The following TTC19 variants were observed in gnomAD, a reference collection of about 807,000 sequenced individuals.
TTC19 encodes tetratricopeptide repeat protein 19, mitochondrial.
TTC19 carries 38 observed loss-of-function variants against 49.5 expected under a neutral mutation model. The ratio of observed to expected loss-of-function variants is 0.77; its 90% CI spans 0.59 to 1.01. The LOEUF (loss-of-function observed/expected upper bound fraction) is 1.01. Among genes scored for constraint, TTC19 ranks in the 50% least tolerant of loss-of-function variants. The pLI, the probability that TTC19 is intolerant of heterozygous loss-of-function variation, is 0.00. For synonymous variants in TTC19, 204 were observed against 185.2 expected (o/e 1.10, Z -0.83); for missense variants, 475 against 477.7 (o/e 0.99, Z 0.05).
At chr17:16,001,116 A>G (rs1174137309) in intron 2 of TTC19, among the ~76,000 whole-genome samples, 1 of 152,050 alleles carries the variant, frequency 6.6e-6, no homozygotes, top group African/African-American at 2.4e-5. Flanking sequence ...GCCTCTTGCA[A>G]TCTATTCTCC....
chr17:16,045,001 A>G (rs78302927), exon 3 of TTC19: 2 of 432,450 alleles, frequency 4.6e-6, no homozygotes, highest in Non-Finnish European at 8.5e-6. Context: ...GAACTTAAGA[A>G]AAAAAAAAAA....
In TTC19 at chr17:16,028,666, A is replaced by C; in HGVS notation, c.*1144A>C. The C allele has an allele frequency of 2.2e-6, 1 of 453,866 alleles. No individual in the cohort carries two copies. The highest frequency in any genetic ancestry group is 4.4e-6 in the Non-Finnish European group (1 of 226,730). The allele number at this position is 453,866 out of a possible 1,614,324, so 28.1% of individuals were successfully genotyped here. On this transcript the variant is annotated 3_prime_UTR_variant, in exon 10 of 10. Transcript: ENST00000261647. The stretch of plus-strand genomic sequence containing the variant: ...CAGTTTTTCTAGGTACCATGAAGGA[A>C]GATTGACCCTGTTGGTATGCCTGTG...
intron 7 of TTC19, among the ~76,000 whole-genome samples, chr17:16,011,054 G>C (rs913000140): frequency 6.6e-6 from 1 of 152,194 alleles, no homozygotes; most frequent in Non-Finnish European, 1.5e-5. Flanking sequence ...GTATATGCCA[G>C]ATTCTTCACT....
At chr17:16,036,173 T>G (rs949473334) in intron 2 of TTC19, among the ~76,000 whole-genome samples, 2 of 152,234 alleles carry the variant, frequency 1.3e-5, no homozygotes, top group African/African-American at 4.8e-5. Flanking sequence ...TTAGCAGGCA[T>G]GAAAACAACA....
At chr17:16,033,388 A>G (rs932084498), downstream of TTC19, among the ~76,000 whole-genome samples, 2 of 151,996 alleles carry the variant, frequency 1.3e-5, no homozygotes, top group African/African-American at 4.8e-5. Flanking sequence ...ATTTAATCAA[A>G]TAATAAATCT....
intron 2 of TTC19, 174 bp downstream of exon 2, chr17:16,000,419 C>T (rs1228635886): frequency 1.4e-6 from 2 of 1,461,568 alleles, no homozygotes; most frequent in African/African-American, 2.8e-5. Context: ...TCCATCCAGG[C>T]TTTTCCGACT....
chr17:16,021,537 T>G (rs1189863011), intron 7 of TTC19, among the ~76,000 whole-genome samples: 2 of 152,196 alleles, frequency 1.3e-5, no homozygotes, highest in South Asian at 2.1e-4. Flanking sequence ...CAGGAATATG[T>G]TGGGGCAGTA....
At position 15,999,871 on chromosome 17, in the gene TTC19, G is replaced by C. The variant is rs550775797; in HGVS notation, c.23G>C (p.Ser8Thr). The C allele has an allele frequency of 6.8e-6, 10 of 1,460,792 alleles. No homozygotes were observed. The highest frequency in any genetic ancestry group is 2.9e-5 in the African/African-American group (2 of 67,818). 90.5% of individuals were successfully genotyped at this position (1,460,792 alleles called of 1,614,324 possible). A position where few individuals can be genotyped will look rare whatever the true frequency, so the allele number is the denominator to read the frequency against. The change falls in exon 1 of 10, where the codon AGC (serine) becomes ACC (threonine). Residue 8 changes from serine (S) to threonine (T), a missense_variant. Physicochemically the swap from Ser to Thr is moderately conservative, Grantham distance 58 (BLOSUM62 1). Transcript: ENST00000261647. Reference protein sequence around the residue: MFRLLSWSLGRGFLRAAG... With the variant: MFRLLSWTLGRGFLRAAG... ...AGCATGTTCCGGCTCCTGAGCTGGA[G>C]CCTGGGCCGAGGCTTCCTGCGGGCC... is the stretch of plus-strand genomic sequence containing the variant.
chr17:16,002,366 G>A (rs1055128187), intron 3 of TTC19, among the ~76,000 whole-genome samples: 1 of 151,958 alleles, frequency 6.6e-6, no homozygotes, highest in East Asian at 1.9e-4. Flanking sequence ...TAGTAGAGAC[G>A]AGGTTTCACC....
At chr17:16,001,422 C>G (rs1019153956) in intron 2 of TTC19, among the ~76,000 whole-genome samples, 17 of 152,154 alleles carry the variant, frequency 1.1e-4, no homozygotes, top group Non-Finnish European at 2.4e-4. Flanking sequence ...AGTCATTGTT[C>G]TCCCCAGGTC....
rs77842290 is a variant in TTC19, at chr17:16,025,903, T to C, written c.832-637T>C. On this transcript the variant is annotated intron_variant, in intron 8 of 9. Coordinates refer to ENST00000261647, the MANE Select transcript of TTC19 (RefSeq NM_017775.4). ...CTCCATGAAAGGGATTTATAACTTATTATGAAGAGTCCCTTAATGGAGTGA... is the reference window on the plus strand; with the variant it reads ...CTCCATGAAAGGGATTTATAACTTACTATGAAGAGTCCCTTAATGGAGTGA... Among the ~76,000 whole-genome samples the C allele has an allele frequency of 2.6e-4, 40 of 152,274 alleles. 1 individual carries two copies. The East Asian group carries it at 7.5e-3, about 29-fold the overall frequency.
intron 7 of TTC19, among the ~76,000 whole-genome samples, chr17:16,012,021 CT>C (rs376780749): frequency 0.052 from 7,688 of 146,494 alleles, 472 homozygotes; most frequent in African/African-American, 0.15. Flanking sequence ...TGAGGTTTAT[CT>C]TTTTTTTTTT....
intron 7 of TTC19, among the ~76,000 whole-genome samples, chr17:16,012,619 A>G (rs1597458376): frequency 6.7e-6 from 1 of 148,632 alleles, no homozygotes; most frequent in Non-Finnish European, 1.5e-5. Context: ...GCTCACTGCA[A>G]CCTCCGCCTC....
Position 16,000,113 on chromosome 17 carries a change from C to G in TTC19, c.185-5C>G, listed in dbSNP as rs1297026837. On this transcript the variant is annotated splice_region_variant and splice_polypyrimidine_tract_variant and intron_variant, in intron 1 of 9. Transcript: ENST00000261647. ...GCCCGATGACCTCAGAGCCCCTTCCCGCAGCGCTCGCCTGGTTCTCGAGGC... is the reference window on the plus strand; with the variant it reads ...GCCCGATGACCTCAGAGCCCCTTCCGGCAGCGCTCGCCTGGTTCTCGAGGC... 2 of 1,544,474 alleles carry G rather than the reference C, an allele frequency of 1.3e-6. No homozygotes were observed. Among genetic ancestry groups the G allele is most frequent in the African/African-American group, 2.7e-5 (2 of 73,662 alleles).
In TTC19 at chr17:16,028,467, G is replaced by T. The variant is rs754234173; in HGVS notation, c.*945G>T. 7 of 454,022 alleles carry T rather than the reference G, an allele frequency of 1.5e-5. No homozygotes were observed. The highest frequency in any genetic ancestry group is 9.3e-5 in the South Asian group (6 of 64,474). 28.1% of individuals were successfully genotyped at this position (454,022 alleles called of 1,614,324 possible). On this transcript the variant is annotated 3_prime_UTR_variant, in exon 10 of 10. Transcript: ENST00000261647. ...TTCATCTCTAAACTAGGGAAACACT[G>T]GGATTCTTTCTTAGCTGTGGGGGAA...
At position 16,028,422 on chromosome 17, in the gene TTC19, G is replaced by A; in HGVS notation, c.*900G>A. ...CCTGGATCTTAGTCCTAGCCTTTTTGCTTTTGCAATTTCAGTATCTTCATC... is the reference window on the plus strand; with the variant it reads ...CCTGGATCTTAGTCCTAGCCTTTTTACTTTTGCAATTTCAGTATCTTCATC... On this transcript the variant is annotated 3_prime_UTR_variant, in exon 10 of 10. Transcript: ENST00000261647. The A allele has an allele frequency of 2.2e-6, 1 of 453,956 alleles. No homozygotes were observed. Among genetic ancestry groups the A allele is most frequent in the Non-Finnish European group, 4.4e-6 (1 of 226,746 alleles). The allele number at this position is 453,956 out of a possible 1,614,324, so 28.1% of individuals were successfully genotyped here. A position where few individuals can be genotyped will look rare whatever the true frequency, so the allele number is the denominator to read the frequency against.
At chr17:16,026,488 T>A in intron 8 of TTC19, 52 bp from the exon 9 acceptor site, 1 of 1,570,560 alleles carries the variant, frequency 6.4e-7, no homozygotes, top group Admixed American at 1.7e-5. Context: ...CACATTAAAG[T>A]TCTGTGAAGG....
chr17:16,034,212 G>A (rs1973447306), downstream of TTC19, among the ~76,000 whole-genome samples: 1 of 152,148 alleles, frequency 6.6e-6, no homozygotes, highest in Non-Finnish European at 1.5e-5. Context: ...TGAGGAGAAT[G>A]GTTGAGATTA....
At chr17:16,035,424 T>C (rs763020448) in intron 2 of TTC19, among the ~76,000 whole-genome samples, 5 of 152,108 alleles carry the variant, frequency 3.3e-5, no homozygotes, top group Non-Finnish European at 7.4e-5. Flanking sequence ...AAGAAACCAC[T>C]TTCTTTGCTC....
Sources: allele counts gnomAD v4.1 joint callset (sites outside exome capture counted in the v4.1 genomes callset), GRCh38; gene constraint gnomAD v4.1.1; transcripts MANE v1.5; gene names NCBI Gene and HGNC (gene_info 2026-07-23, HGNC 2026-07-21).